Variants in SYT17 observed in about 807,000 individuals in gnomAD.
SYT17 encodes synaptotagmin-17.
In SYT17, 22 loss-of-function variants were observed where a neutral mutation model predicts 46.7. The ratio of observed to expected loss-of-function variants is 0.47; its 90% CI spans 0.34 to 0.67. The LOEUF (loss-of-function observed/expected upper bound fraction) is 0.67, where lower values mean the gene tolerates loss of function less well. Among genes scored for constraint, SYT17 ranks in the 30% least tolerant of loss-of-function variants. The pLI is 0.01. For missense variants in SYT17, 519 were observed against 612.8 expected (o/e 0.85, Z 1.62); for synonymous variants, 251 against 248.4 (o/e 1.01, Z -0.10).
chr16:19,252,495 A>T, intron 7 of SYT17, among the ~76,000 whole-genome samples: 1 of 18,064 alleles, frequency 5.5e-5, no homozygotes, highest in African/African-American at 4.0e-4. Context: ...ATATATATAC[A>T]TATATATATA....
chr16:19,197,940 A>T (rs1294675613), intron 5 of SYT17, among the ~76,000 whole-genome samples: 1 of 152,120 alleles, frequency 6.6e-6, no homozygotes, highest in Non-Finnish European at 1.5e-5. Flanking sequence ...AGGCGATCTC[A>T]TGATAGCTAA....
intron 5 of SYT17, among the ~76,000 whole-genome samples, chr16:19,207,929 A>G (rs1163764492): frequency 6.6e-6 from 1 of 152,140 alleles, no homozygotes; most frequent in East Asian, 1.9e-4. Flanking sequence ...AAAGAAAGAA[A>G]GAAAATGGAG....
At position 19,232,976 on chromosome 16, in the gene SYT17, C is replaced by T. The variant is rs1169385036; in HGVS notation, c.1228+8138C>T. Among the ~76,000 whole-genome samples, 4 of 152,210 alleles carry T rather than the reference C, an allele frequency of 2.6e-5. No homozygotes were observed. The East Asian group carries it at 5.8e-4, about 22-fold the overall frequency. On this transcript the variant is annotated intron_variant, in intron 7 of 7. Transcript: ENST00000355377. ...AAACTCTGATGCCCCGTTCCCAGAA[C>T]AGATAAACTGAATCAACCCAGGCGT...
At chr16:19,188,513 C>CAAAAAAAAAAA (rs61202540) in intron 5 of SYT17, among the ~76,000 whole-genome samples, 35 of 64,576 alleles carry the variant, frequency 5.4e-4, no homozygotes, top group African/African-American at 1.8e-3. Context: ...TTCAGTTCTG[C>CAAAAAAAAAAA]AAAAAAAAAA....
intron 5 of SYT17, among the ~76,000 whole-genome samples, chr16:19,189,480 A>T (rs999487619): frequency 1.3e-5 from 2 of 152,028 alleles, no homozygotes; most frequent in Non-Finnish European, 2.9e-5. Flanking sequence ...GGCTGGGACC[A>T]TGTGGTACCA....
chr16:19,218,338 G>A (rs1440200262), intron 5 of SYT17, among the ~76,000 whole-genome samples: 1 of 152,106 alleles, frequency 6.6e-6, no homozygotes, highest in Non-Finnish European at 1.5e-5. Context: ...CCAGACAACA[G>A]TTTTACAAAT....
intron 5 of SYT17, among the ~76,000 whole-genome samples, chr16:19,215,875 G>A (rs750477375): frequency 2.6e-5 from 4 of 152,196 alleles, no homozygotes; most frequent in Non-Finnish European, 5.9e-5. Flanking sequence ...ATGGCAGAAG[G>A]CAAGGAGAGC....
intron 4 of SYT17, among the ~76,000 whole-genome samples, chr16:19,182,355 C>T (rs919725781): frequency 2.0e-5 from 3 of 152,160 alleles, no homozygotes; most frequent in Non-Finnish European, 4.4e-5. Flanking sequence ...GTGGAGGTTG[C>T]AGTGAGCCGA....
At chr16:19,187,113 C>T (rs1294276262) in intron 5 of SYT17, among the ~76,000 whole-genome samples, 2 of 152,198 alleles carry the variant, frequency 1.3e-5, no homozygotes, top group African/African-American at 2.4e-5. Flanking sequence ...CAGCTCACTG[C>T]AGCCCCAAAC....
In SYT17 at chr16:19,224,700, C is replaced by T. The variant is rs1567220429; in HGVS notation, c.1090C>T (p.Gln364Ter). The T allele has an allele frequency of 6.2e-7, 1 of 1,613,990 alleles. No individual in the cohort carries two copies. Among genetic ancestry groups the T allele is most frequent in the Non-Finnish European group, 8.5e-7 (1 of 1,179,930 alleles). The change falls in exon 7 of 8, where the codon CAG (glutamine) becomes TAG (stop). Residue 364 changes from glutamine to a stop codon, truncating the protein, a stop_gained. Transcript: ENST00000355377. LOFTEE classifies it high-confidence loss of function. ...ATTTTCAGACCCCTTTGTGAAAATCCAGCTGGTGCATGGACTCAAACTTGT... is the reference window on the plus strand; with the variant it reads ...ATTTTCAGACCCCTTTGTGAAAATCTAGCTGGTGCATGGACTCAAACTTGT... ...SQGSDPFVKI[Q>*]LVHGLKLVKT...
At chr16:19,190,996 A>AT (rs1486034957) in intron 5 of SYT17, among the ~76,000 whole-genome samples, 2 of 151,750 alleles carry the variant, frequency 1.3e-5, no homozygotes, top group East Asian at 3.9e-4. Context: ...TAGGTGGTTC[A>AT]TTTTCTCTTG....
chr16:19,227,559 T>C (rs2015512), intron 7 of SYT17, among the ~76,000 whole-genome samples: 122,223 of 152,020 alleles, frequency 0.8, 49,458 homozygotes, highest in African/African-American at 0.89. Flanking sequence ...TCAAGCAATC[T>C]GCCCACCTCG....
chr16:19,172,315 G>T lies in SYT17; in HGVS notation c.16-445G>T. 3.0e-6 allele frequency: 4 copies of T among 1,317,662 alleles called. No individual in the cohort carries two copies. The East Asian group carries it at 9.0e-5, about 30-fold the overall frequency. The allele number at this position is 1,317,662 out of a possible 1,614,324, so 81.6% of individuals were successfully genotyped here. A position where few individuals can be genotyped will look rare whatever the true frequency, so the allele number is the denominator to read the frequency against. On this transcript the variant is annotated intron_variant, in intron 1 of 7. Transcript: ENST00000355377. Reference sequence around the variant, plus strand: ...TGGAAGGTAGGGCCTCCGGGAGGGCGGGGGAGCCAAGTAACATCCACTGTG... The same window carrying T: ...TGGAAGGTAGGGCCTCCGGGAGGGCTGGGGAGCCAAGTAACATCCACTGTG...
Position 19,262,998 on chromosome 16 carries a change from G to GC in SYT17, c.1229-3881dup, listed in dbSNP as rs543453660. ...TCATTCTTATAAACAATGCCCTGGT[G>GC]CAGGGGTCAGCAAACTTTTCTATAA... On this transcript the variant is annotated intron_variant, in intron 7 of 7. Transcript: ENST00000355377. Among the ~76,000 whole-genome samples the GC allele has an allele frequency of 9.2e-4, 140 of 151,646 alleles. 1 individual carries two copies. Among genetic ancestry groups the GC allele is most frequent in the African/African-American group, 3.3e-3 (136 of 41,314 alleles).
intron 7 of SYT17, among the ~76,000 whole-genome samples, chr16:19,234,804 G>A (rs1238432648): frequency 6.6e-6 from 1 of 152,214 alleles, no homozygotes; most frequent in African/African-American, 2.4e-5. Flanking sequence ...TATATCTGCT[G>A]TTTTAATCAT....
At chr16:19,175,627 C>T (rs979000772) in intron 3 of SYT17, among the ~76,000 whole-genome samples, 1 of 133,020 alleles carries the variant, frequency 7.5e-6, no homozygotes, top group Non-Finnish European at 1.5e-5. Context: ...GTCCAGCTTG[C>T]GCAACAGAGC....
intron 7 of SYT17, among the ~76,000 whole-genome samples, chr16:19,253,677 A>T (rs1278771928): frequency 2.6e-5 from 4 of 152,018 alleles, no homozygotes; most frequent in Admixed American, 2.6e-4. Flanking sequence ...AAAGAGAAAA[A>T]GTGTGCCTAC....
intron 7 of SYT17, among the ~76,000 whole-genome samples, chr16:19,250,639 G>A (rs942770687): frequency 6.6e-6 from 1 of 152,086 alleles, no homozygotes; most frequent in African/African-American, 2.4e-5. Flanking sequence ...CTCCCATAGT[G>A]TTGGGATTAC....
At chr16:19,200,146 A>G (rs1046051661) in intron 5 of SYT17, among the ~76,000 whole-genome samples, 1 of 152,244 alleles carries the variant, frequency 6.6e-6, no homozygotes, top group Non-Finnish European at 1.5e-5. Flanking sequence ...TGAATCACCA[A>G]GGCCTCAGGT....
Sources: gnomAD v4.1 joint callset for allele counts (sites outside exome capture counted in the v4.1 genomes callset) on GRCh38, gnomAD v4.1.1 for gene constraint, MANE v1.5 for transcripts, NCBI Gene and HGNC (gene_info 2026-07-23, HGNC 2026-07-21) for gene names.